SHISA9: variants seen among roughly 807,000 people sequenced by gnomAD.
SHISA9 encodes shisa family member 9, also known as protein shisa-9.
Under a neutral mutation model 38.0 loss-of-function variants are expected in SHISA9, and 13 were observed. The observed-to-expected ratio is 0.34, with a 90% confidence interval of 0.22 to 0.54. The LOEUF (loss-of-function observed/expected upper bound fraction) is 0.54, where lower values mean the gene tolerates loss of function less well. Ranked by LOEUF, SHISA9 falls within the 20% of genes least tolerant of loss-of-function variation. SHISA9 has a pLI of 0.91. For missense variants in SHISA9, 538 were observed against 575.8 expected, an observed-to-expected ratio of 0.93 and a Z score of 0.67; for synonymous variants, 275 against 242.0, an observed-to-expected ratio of 1.14 and a Z score of -1.27.
At chr16:13,453,207 T>A in the SHISA9 span, among the ~76,000 whole-genome samples, 1 of 152,118 alleles carries the variant, frequency 6.6e-6, no homozygotes, top group Non-Finnish European at 1.5e-5. Flanking sequence ...TTTTCTAGCA[T>A]CCCCAGGGAA....
chr16:13,158,954 C>A (rs1293858537), intron 2 of SHISA9, among the ~76,000 whole-genome samples: 1 of 149,634 alleles, frequency 6.7e-6, no homozygotes, highest in Non-Finnish European at 1.5e-5. Context: ...CAGCTACTCG[C>A]GAGGCTGAGG....
the SHISA9 span, among the ~76,000 whole-genome samples, chr16:13,375,033 G>T: frequency 2.0e-5 from 3 of 152,026 alleles, no homozygotes; most frequent in Admixed American, 2.0e-4. Context: ...ATTTTTTCTC[G>T]TAAATTTGTT....
intron 2 of SHISA9, among the ~76,000 whole-genome samples, chr16:13,015,422 G>A (rs2072729155): frequency 6.6e-6 from 1 of 152,234 alleles, no homozygotes. Context: ...AAAGCTCAAA[G>A]ATGTTAAACA....
Position 13,119,899 on chromosome 16 carries a change from C to T in SHISA9, c.692-83495C>T, listed in dbSNP as rs1291915831. ...GATTTAAGCTGTCATCTAAGTCCAC[C>T]TTCAATAACAGCAAAGATGTACAGT... On this transcript the variant is annotated intron_variant, in intron 2 of 4. Coordinates refer to ENST00000558583, the MANE Select transcript of SHISA9 (RefSeq NM_001145204.3). 2.6e-5 allele frequency among the ~76,000 whole-genome samples: 4 copies of T among 152,160 alleles called. No homozygotes were observed. The East Asian group carries it at 7.7e-4, about 29-fold the overall frequency.
At chr16:13,063,483 T>A (rs2073399729) in intron 2 of SHISA9, among the ~76,000 whole-genome samples, 2 of 152,294 alleles carry the variant, frequency 1.3e-5, no homozygotes, top group South Asian at 4.2e-4. Flanking sequence ...CTCAGTTTTC[T>A]CATCTCGTAA....
intron 2 of SHISA9, among the ~76,000 whole-genome samples, chr16:12,996,596 C>A (rs1486538101): frequency 6.6e-6 from 1 of 152,180 alleles, no homozygotes; most frequent in Non-Finnish European, 1.5e-5. Context: ...CAGTGTTCAA[C>A]TGTGCAACCG....
intron 2 of SHISA9, among the ~76,000 whole-genome samples, chr16:12,930,829 A>G (rs1032145031): frequency 6.6e-6 from 1 of 152,182 alleles, no homozygotes; most frequent in Admixed American, 6.6e-5. Flanking sequence ...AAACACAGAG[A>G]GAGGAAGTGA....
chr16:13,528,599 A>G, the SHISA9 span, among the ~76,000 whole-genome samples: 16 of 152,274 alleles, frequency 1.1e-4, no homozygotes, highest in Middle Eastern at 3.4e-3. Context: ...GTCATAGAAA[A>G]AAAACTGGGG....
In SHISA9 at chr16:13,152,188, A is replaced by G. The variant is rs1279627042; in HGVS notation, c.692-51206A>G. Among the ~76,000 whole-genome samples the G allele has an allele frequency of 3.3e-5, 5 of 152,356 alleles. No homozygotes were observed. The South Asian group carries it at 8.3e-4, about 25-fold the overall frequency. Reference sequence around the variant, plus strand: ...ACCCAGAGATGCATATGAAAAGTCTACCACTCCCTAGAAATAAATTCATCT... The same window carrying G: ...ACCCAGAGATGCATATGAAAAGTCTGCCACTCCCTAGAAATAAATTCATCT... On this transcript the variant is annotated intron_variant, in intron 2 of 4. Transcript: ENST00000558583.
intron 2 of SHISA9, among the ~76,000 whole-genome samples, chr16:13,009,452 C>T (rs987111719): frequency 6.6e-5 from 10 of 152,068 alleles, no homozygotes; most frequent in African/African-American, 2.2e-4. Flanking sequence ...GGAAGGTCTC[C>T]GTTCTGGAAC....
rs187616923 is a variant in SHISA9, at chr16:12,908,921, G to T, written c.563+6294G>T. On this transcript the variant is annotated intron_variant, in intron 1 of 4. Coordinates refer to ENST00000558583, the MANE Select transcript of SHISA9 (RefSeq NM_001145204.3). The stretch of plus-strand genomic sequence containing the variant: ...ATCCAAGTGGCAAATGGCAGATAAG[G>T]GTCCTGTGTGTTTTTAAAACATGCT... The T allele has an allele frequency of 4.3e-4, 438 of 1,017,624 alleles. 3 individuals are homozygous for T. The highest frequency in any genetic ancestry group is 3.7e-3 in the South Asian group (87 of 23,406). 63.0% of individuals were successfully genotyped at this position (1,017,624 alleles called of 1,614,324 possible).
the SHISA9 span, among the ~76,000 whole-genome samples, chr16:13,370,063 GAAATAA>G: frequency 2.6e-5 from 4 of 152,054 alleles, no homozygotes; most frequent in East Asian, 1.9e-4. Flanking sequence ...TAAAGCAATT[GAAATAA>G]AAATAAAAAT....
At chr16:13,283,831 C>T in the SHISA9 span, among the ~76,000 whole-genome samples, 7 of 152,148 alleles carry the variant, frequency 4.6e-5, no homozygotes, top group East Asian at 1.4e-3. Context: ...GGACCAGAAC[C>T]CCAACATCTC....
chr16:13,437,715 T>A, the SHISA9 span, among the ~76,000 whole-genome samples: 1 of 152,156 alleles, frequency 6.6e-6, no homozygotes, highest in Non-Finnish European at 1.5e-5. Flanking sequence ...ATTATTGATA[T>A]CAGCTTTTTT....
At chr16:12,913,008 A>T (rs1278491417) in intron 1 of SHISA9, among the ~76,000 whole-genome samples, 1 of 152,048 alleles carries the variant, frequency 6.6e-6, no homozygotes, top group Non-Finnish European at 1.5e-5. Context: ...ACCCCCTCAC[A>T]AAGGCATTTC....
downstream of SHISA9, among the ~76,000 whole-genome samples, chr16:13,244,816 G>C (rs2051460323): frequency 6.6e-6 from 1 of 152,198 alleles, no homozygotes; most frequent in South Asian, 2.1e-4. Context: ...AATTCTTTGA[G>C]CTATCTGCTA....
intron 2 of SHISA9, among the ~76,000 whole-genome samples, chr16:13,090,826 G>C (rs1422168686): frequency 6.6e-6 from 1 of 152,180 alleles, no homozygotes; most frequent in Non-Finnish European, 1.5e-5. Context: ...GTGTGAATTT[G>C]ATCCTGTCAT....
At position 12,962,043 on chromosome 16, in the gene SHISA9, A is replaced by G. The variant is rs1464019907; in HGVS notation, c.691+45228A>G. Among the ~76,000 whole-genome samples the G allele has an allele frequency of 2.0e-5, 3 of 152,198 alleles. 1 individual carries two copies. The highest frequency in any genetic ancestry group is 4.1e-4 in the South Asian group (2 of 4,828). On this transcript the variant is annotated intron_variant, in intron 2 of 4. Transcript: ENST00000558583. Reference sequence around the variant, plus strand: ...AGCTCCCAGCATGGAGGTCTCTGGCATGGCTGGACTTACTTGCTGAGGACT... The same window carrying G: ...AGCTCCCAGCATGGAGGTCTCTGGCGTGGCTGGACTTACTTGCTGAGGACT...
intron 2 of SHISA9, 142 bp downstream of exon 2, chr16:12,916,957 T>A: frequency 1.0e-6 from 1 of 998,640 alleles, no homozygotes; most frequent in Non-Finnish European, 1.4e-6. Context: ...GTCTTTTGGA[T>A]GAAGCTGAAT....
Sources: gnomAD v4.1 joint callset for allele counts (sites outside exome capture counted in the v4.1 genomes callset) on GRCh38, gnomAD v4.1.1 for gene constraint, MANE v1.5 for transcripts, NCBI Gene and HGNC (gene_info 2026-07-23, HGNC 2026-07-21) for gene names.